CLVS1: variants seen among roughly 807,000 people sequenced by gnomAD.
The protein encoded by CLVS1 is clavesin-1.
In CLVS1, 10 loss-of-function variants were observed where a neutral mutation model predicts 33.1. That is an observed-to-expected ratio of 0.30 (90% confidence interval 0.19 to 0.51). The LOEUF is 0.51. Among genes scored for constraint, CLVS1 ranks in the 20% least tolerant of loss-of-function variants. CLVS1 has a pLI of 0.97. For missense variants in CLVS1, 343 were observed against 433.4 expected (o/e 0.79, Z 1.85); for synonymous variants, 163 against 166.1 (o/e 0.98, Z 0.14).
At chr8:61,020,201 T>C in the CLVS1 span, among the ~76,000 whole-genome samples, 1 of 152,266 alleles carries the variant, frequency 6.6e-6, no homozygotes, top group South Asian at 2.1e-4. Context: ...ACCAGTCTGC[T>C]TCTATTCTCA....
chr8:60,965,594 C>T, the CLVS1 span, among the ~76,000 whole-genome samples: 1 of 152,182 alleles, frequency 6.6e-6, no homozygotes, highest in South Asian at 2.1e-4. Flanking sequence ...AGCCCCAGGC[C>T]GCTGGGCCAC....
At chr8:60,980,964 C>T in the CLVS1 span, among the ~76,000 whole-genome samples, 8 of 152,060 alleles carry the variant, frequency 5.3e-5, no homozygotes, top group South Asian at 6.2e-4. Context: ...GGTACAGAGG[C>T]GGAGACTGGA....
intron 4 of CLVS1, 82 bp from the exon 5 acceptor site, chr8:61,458,225 T>A: frequency 9.8e-7 from 1 of 1,022,498 alleles, no homozygotes; most frequent in East Asian, 2.4e-5. Context: ...CAATTTGTCA[T>A]GGCTAAATTG....
chr8:61,427,433 A>T (rs1055767578), intron 3 of CLVS1, among the ~76,000 whole-genome samples: 4 of 152,200 alleles, frequency 2.6e-5, no homozygotes, highest in Non-Finnish European at 4.4e-5. Context: ...CAAGAGAATG[A>T]ATCTCTCCCC....
chr8:61,377,392 C>T (rs1490778452), intron 3 of CLVS1: 1 of 152,160 alleles, frequency 6.6e-6, no homozygotes, highest in East Asian at 1.9e-4. Context: ...CTCAGAAAGG[C>T]AATGCTGCTT....
intron 2 of CLVS1, among the ~76,000 whole-genome samples, chr8:61,180,477 T>C (rs906604219): frequency 1.3e-5 from 2 of 152,140 alleles, no homozygotes; most frequent in African/African-American, 2.4e-5. Context: ...GATTCCTCCA[T>C]CACTAATTTT....
intron 5 of CLVS1, among the ~76,000 whole-genome samples, chr8:61,490,554 G>A (rs183407748): frequency 2.0e-3 from 308 of 151,130 alleles, no homozygotes; most frequent in African/African-American, 7.1e-3. Context: ...TGTAGTCCCA[G>A]CTACTCGGGA....
At chr8:61,012,078 G>A in the CLVS1 span, among the ~76,000 whole-genome samples, 1 of 152,208 alleles carries the variant, frequency 6.6e-6, no homozygotes, top group African/African-American at 2.4e-5. Flanking sequence ...GCTCACCCAG[G>A]GATGCTGGAC....
intron 5 of CLVS1, among the ~76,000 whole-genome samples, chr8:61,489,185 A>G (rs537125608): frequency 5.9e-5 from 9 of 152,350 alleles, no homozygotes; most frequent in Admixed American, 6.5e-5. Context: ...ACATTTTATA[A>G]ATTAACAGCT....
intron 5 of CLVS1, chr8:61,458,809 T>A (rs1817258161): frequency 6.1e-6 from 2 of 330,188 alleles, no homozygotes. Context: ...GTCTTCAGGG[T>A]GTTTGTTAAT....
rs149559584 is a variant in CLVS1 at position 61,260,170 on chromosome 8, A to G, written c.-151-39507A>G. On this transcript the variant is annotated intron_variant, in intron 2 of 2. Coordinates refer to the CLVS1 transcript ENST00000522621. ...CTGGTTCCTTCTTGGTTCTCTTCAG[A>G]GCACTTACATGCTATACTTTGCTTA... 2.1e-3 allele frequency among the ~76,000 whole-genome samples: 320 copies of G among 152,256 alleles called. 3 individuals carry two copies. The highest frequency in any genetic ancestry group is 7.4e-3 in the African/African-American group (306 of 41,550).
intron 2 of CLVS1, among the ~76,000 whole-genome samples, chr8:61,241,095 C>T (rs1468789124): frequency 6.6e-6 from 1 of 152,068 alleles, no homozygotes; most frequent in Non-Finnish European, 1.5e-5. Context: ...CCTTACATGG[C>T]AGTCACCTAG....
chr8:61,192,056 C>T (rs1807495621), intron 2 of CLVS1, among the ~76,000 whole-genome samples: 1 of 152,128 alleles, frequency 6.6e-6, no homozygotes, highest in Non-Finnish European at 1.5e-5. Flanking sequence ...CAAAAAAGAG[C>T]CTGCATTGCC....
chr8:61,007,214 G>A, the CLVS1 span, among the ~76,000 whole-genome samples: 1 of 152,210 alleles, frequency 6.6e-6, no homozygotes, highest in Admixed American at 6.5e-5. Context: ...AATTTTAGTC[G>A]TGTTTAGATA....
At chr8:61,114,331 C>T (rs1331841489) in intron 1 of CLVS1, among the ~76,000 whole-genome samples, 1 of 152,156 alleles carries the variant, frequency 6.6e-6, no homozygotes, top group African/African-American at 2.4e-5. Context: ...AGCAAAGGAT[C>T]TTGATGAAAA....
rs926378275 is a variant in CLVS1 at position 61,141,327 on chromosome 8, T to A, written c.-152+9467T>A. ...AGCCTACCTTATAACCTCAGTTGTA[T>A]ACAAGCTCACTTAAAAAAAGTTACA... is the stretch of plus-strand genomic sequence containing the variant. On this transcript the variant is annotated intron_variant, in intron 2 of 2. Coordinates refer to the CLVS1 transcript ENST00000522621. Among the ~76,000 whole-genome samples, 10 of 152,304 alleles carry A rather than the reference T, an allele frequency of 6.6e-5. No homozygotes were observed. The East Asian group carries it at 1.9e-3, about 29-fold the overall frequency.
intron 1 of CLVS1, among the ~76,000 whole-genome samples, chr8:61,291,262 T>C (rs1809980082): frequency 6.6e-6 from 1 of 152,204 alleles, no homozygotes; most frequent in South Asian, 2.1e-4. Context: ...TGTGGTAGGC[T>C]AATTTCCTGT....
At chr8:61,479,253 C>A (rs937451944) in intron 5 of CLVS1, among the ~76,000 whole-genome samples, 6 of 152,204 alleles carry the variant, frequency 3.9e-5, no homozygotes, top group Admixed American at 2.0e-4. Context: ...CACATAGTCC[C>A]ATACTTCTTG....
chr8:61,433,334 C>G (rs1300777669), intron 3 of CLVS1, among the ~76,000 whole-genome samples: 1 of 152,148 alleles, frequency 6.6e-6, no homozygotes, highest in Non-Finnish European at 1.5e-5. Flanking sequence ...GTGGAGAAGT[C>G]AATTATACAT....
Sources: gnomAD v4.1 joint callset for allele counts (sites outside exome capture counted in the v4.1 genomes callset) on GRCh38, gnomAD v4.1.1 for gene constraint, MANE v1.5 for transcripts, NCBI Gene and HGNC (gene_info 2026-07-23, HGNC 2026-07-21) for gene names.